The following RB1 variants were observed in gnomAD, a reference collection of about 807,000 sequenced individuals.
The protein encoded by RB1 is RB transcriptional corepressor 1.
Under a neutral mutation model 135.4 loss-of-function variants are expected in RB1, and 18 were observed. The observed-to-expected ratio is 0.13, with a 90% confidence interval of 0.09 to 0.20. The LOEUF (loss-of-function observed/expected upper bound fraction) is 0.20. Among genes scored for constraint, RB1 ranks in the 10% least tolerant of loss-of-function variants. RB1 has a pLI of 1.00. For synonymous variants in RB1, 365 were observed against 373.2 expected, an observed-to-expected ratio of 0.98 and a Z score of 0.25; for missense variants, 868 against 1,110.0, an observed-to-expected ratio of 0.78 and a Z score of 3.10.
At chr13:48,399,157 G>A (rs965281613) in intron 17 of RB1, among the ~76,000 whole-genome samples, 21 of 152,042 alleles carry the variant, frequency 1.4e-4, no homozygotes, top group African/African-American at 5.1e-4. Context: ...GGGAAGGGGT[G>A]ACAATGAGGT....
chr13:48,328,226 C>T (rs1593426659), intron 2 of RB1: 3 of 1,443,806 alleles, frequency 2.1e-6, no homozygotes, highest in South Asian at 1.1e-5. Flanking sequence ...TCTTCATCCT[C>T]ATCTTTGCTT....
chr13:48,412,292 G>T, intron 17 of RB1: 2 of 1,613,482 alleles, frequency 1.2e-6, no homozygotes, highest in Non-Finnish European at 8.5e-7. Context: ...CTTTGAGGAC[G>T]CAGATGAAAA....
intron 2 of RB1, among the ~76,000 whole-genome samples, chr13:48,327,811 A>C (rs1952300896): frequency 6.6e-6 from 1 of 152,148 alleles, no homozygotes; most frequent in South Asian, 2.1e-4. Flanking sequence ...ATTCTTAAAA[A>C]GGTACCATTT....
chr13:48,447,209 A>G (rs1450483237), intron 17 of RB1, among the ~76,000 whole-genome samples: 1 of 152,230 alleles, frequency 6.6e-6, no homozygotes, highest in Admixed American at 6.5e-5. Context: ...ATTTAATGAT[A>G]TGGTAAAGAC....
intron 17 of RB1, among the ~76,000 whole-genome samples, chr13:48,425,770 A>G (rs1044608477): frequency 6.6e-6 from 1 of 152,222 alleles, no homozygotes; most frequent in Non-Finnish European, 1.5e-5. Flanking sequence ...GTATTAAATT[A>G]GACCTATAGA....
At chr13:48,403,326 C>T (rs1948710254) in intron 17 of RB1, among the ~76,000 whole-genome samples, 1 of 151,950 alleles carries the variant, frequency 6.6e-6, no homozygotes, top group Non-Finnish European at 1.5e-5. Flanking sequence ...TCCCCGCAAA[C>T]CCTACAGAAG....
At chr13:48,344,480 GGAGGGCAGCCTGCT>G (rs1952474542) in intron 3 of RB1, among the ~76,000 whole-genome samples, 1 of 152,134 alleles carries the variant, frequency 6.6e-6, no homozygotes, top group African/African-American at 2.4e-5. Context: ...AGTGAGGTGA[GGAGGGCAGCCTGCT>G]GTGGGGAGTC....
chr13:48,432,867 A>T (rs1949144551), intron 17 of RB1, among the ~76,000 whole-genome samples: 1 of 152,188 alleles, frequency 6.6e-6, no homozygotes, highest in Admixed American at 6.5e-5. Flanking sequence ...AGGAAAAAAG[A>T]TAGCATAACC....
chr13:48,440,140 A>G (rs1949222730), intron 17 of RB1, among the ~76,000 whole-genome samples: 1 of 152,110 alleles, frequency 6.6e-6, no homozygotes, highest in South Asian at 2.1e-4. Flanking sequence ...TAAAAGGGAA[A>G]CCTGGCATGC....
At chr13:48,331,677 C>G (rs571184491) in intron 2 of RB1, among the ~76,000 whole-genome samples, 29 of 152,290 alleles carry the variant, frequency 1.9e-4, no homozygotes, top group African/African-American at 6.3e-4. Flanking sequence ...TTATGGAAAA[C>G]AGTATGGAAG....
intron 17 of RB1, among the ~76,000 whole-genome samples, chr13:48,383,414 A>G (rs990521646): frequency 6.6e-6 from 1 of 152,100 alleles, no homozygotes; most frequent in African/African-American, 2.4e-5. Flanking sequence ...TTGTAAATTA[A>G]TGGTTTCTTT....
intron 6 of RB1, among the ~76,000 whole-genome samples, chr13:48,354,887 C>A (rs1952577137): frequency 1.3e-5 from 2 of 151,946 alleles, no homozygotes; most frequent in Non-Finnish European, 2.9e-5. Context: ...GAAACTAGAC[C>A]CCTATCTGTC....
chr13:48,304,635 T>C (rs1952063178), intron 1 of RB1, among the ~76,000 whole-genome samples: 1 of 152,152 alleles, frequency 6.6e-6, no homozygotes, highest in Non-Finnish European at 1.5e-5. Flanking sequence ...CTTAGAACAA[T>C]AATGCATCGA....
intron 19 of RB1, 55 bp from the exon 20 acceptor site, chr13:48,459,633 C>G (rs2138335624): frequency 1.3e-6 from 2 of 1,584,104 alleles, no homozygotes; most frequent in Admixed American, 3.3e-5. Context: ...TGAAAAAAAT[C>G]TACTTGTAAT....
At chr13:48,392,978 T>C (rs946746189) in intron 17 of RB1, among the ~76,000 whole-genome samples, 1 of 152,216 alleles carries the variant, frequency 6.6e-6, no homozygotes, top group African/African-American at 2.4e-5. Context: ...TTTTTGTTTT[T>C]GGACACAGAG....
At position 48,347,986 on chromosome 13, in the gene RB1, C is replaced by A. The variant is rs534187242; in HGVS notation, c.539+123C>A. 4.2e-5 allele frequency: 31 copies of A among 746,902 alleles called. No individual in the cohort carries two copies. The Admixed American group carries it at 6.5e-4, about 16-fold the overall frequency. 46.3% of individuals were successfully genotyped at this position (746,902 alleles called of 1,614,324 possible). A position where few individuals can be genotyped will look rare whatever the true frequency, so the allele number is the denominator to read the frequency against. Reference sequence around the variant, plus strand: ...TAGCAGGCTACTTCATAAATTAAGCCCATAGATTTAAGTCCTGTGTAGATT... The same window carrying A: ...TAGCAGGCTACTTCATAAATTAAGCACATAGATTTAAGTCCTGTGTAGATT... On this transcript the variant is annotated intron_variant, in intron 5 of 26. Transcript: ENST00000267163.
chr13:48,475,438 G>T (rs1049990028), intron 24 of RB1, among the ~76,000 whole-genome samples: 1 of 152,198 alleles, frequency 6.6e-6, no homozygotes, highest in Admixed American at 6.5e-5. Flanking sequence ...GCTGATCCTC[G>T]ATGGCTATTG....
intron 2 of RB1, among the ~76,000 whole-genome samples, chr13:48,313,594 T>C (rs1459563719): frequency 6.6e-6 from 1 of 151,420 alleles, no homozygotes; most frequent in East Asian, 1.9e-4. Flanking sequence ...CTTTTGAATG[T>C]GGATATCCAG....
chr13:48,327,547 T>C (rs1304803726), intron 2 of RB1, among the ~76,000 whole-genome samples: 6 of 152,208 alleles, frequency 3.9e-5, no homozygotes, highest in Non-Finnish European at 8.8e-5. Flanking sequence ...TAGTTTATGA[T>C]GACTTGAAAG....
Sources: gnomAD v4.1 joint callset for allele counts (sites outside exome capture counted in the v4.1 genomes callset) on GRCh38, gnomAD v4.1.1 for gene constraint, MANE v1.5 for transcripts, NCBI Gene and HGNC (gene_info 2026-07-23, HGNC 2026-07-21) for gene names.